Variants in CAMK1D observed in about 807,000 individuals in gnomAD.
CAMK1D encodes calcium/calmodulin-dependent protein kinase type 1D.
Under a neutral mutation model 47.7 loss-of-function variants are expected in CAMK1D, and 9 were observed. The observed-to-expected ratio is 0.19, with a 90% CI of 0.11 to 0.33. The LOEUF is 0.33. Ranked by LOEUF, CAMK1D falls within the 10% of genes least tolerant of loss-of-function variation. The probability of loss-of-function intolerance (pLI) is 1.00; values close to 1 mark genes in which losing one functional copy is unlikely to be tolerated. For synonymous variants in CAMK1D, 184 were observed against 184.9 expected, an observed-to-expected ratio of 0.99 and a Z score of 0.04; for missense variants, 291 against 488.7, an observed-to-expected ratio of 0.60 and a Z score of 3.81.
intron 4 of CAMK1D, among the ~76,000 whole-genome samples, chr10:12,765,958 C>CTTTTT (rs147498267): frequency 1.3e-4 from 11 of 86,486 alleles, no homozygotes; most frequent in African/African-American, 1.9e-4. Flanking sequence ...CCATCCTAAT[C>CTTTTT]TTTTTTTTTT....
chr10:12,680,302 C>T (rs1588777775), intron 3 of CAMK1D, among the ~76,000 whole-genome samples: 3 of 152,292 alleles, frequency 2.0e-5, no homozygotes, highest in Middle Eastern at 6.8e-3. Flanking sequence ...TCTAGGCTTC[C>T]ATTTGCTTCT....
intron 2 of CAMK1D, among the ~76,000 whole-genome samples, chr10:12,576,803 C>T (rs542768267): frequency 3.3e-4 from 50 of 152,312 alleles, no homozygotes; most frequent in African/African-American, 1.1e-3. Flanking sequence ...TCTGGAGACT[C>T]GGCTCTGTAT....
At chr10:12,511,428 C>G (rs1310972393) in intron 1 of CAMK1D, among the ~76,000 whole-genome samples, 1 of 152,076 alleles carries the variant, frequency 6.6e-6, no homozygotes, top group African/African-American at 2.4e-5. Flanking sequence ...CAGAGAGACC[C>G]TGTCTCTACA....
intron 1 of CAMK1D, among the ~76,000 whole-genome samples, chr10:12,443,719 C>T (rs186418146): frequency 6.6e-6 from 1 of 152,126 alleles, no homozygotes; most frequent in Admixed American, 6.5e-5. Flanking sequence ...AGCCTCCGCT[C>T]CCCGGGTTCA....
intron 3 of CAMK1D, among the ~76,000 whole-genome samples, chr10:12,730,882 C>G (rs146092659): frequency 6.6e-6 from 1 of 152,136 alleles, no homozygotes; most frequent in Admixed American, 6.5e-5. Flanking sequence ...TTGTGAAGTG[C>G]TAGGGCCAGA....
rs1836540180 is a variant in CAMK1D at position 12,550,426 on chromosome 10, C to G, written c.93-2799C>G. On this transcript the variant is annotated intron_variant, in intron 1 of 10. Coordinates refer to ENST00000619168, the MANE Select transcript of CAMK1D (RefSeq NM_153498.4). ...CCTCCTCATTCAGGGTCTTGACCCA[C>G]CTAAGAACTCTGAGGTGCAGCCACC... 2.6e-5 allele frequency among the ~76,000 whole-genome samples: 4 copies of G among 152,168 alleles called. No individual in the cohort carries two copies. In the South Asian group the frequency reaches 8.3e-4, roughly 32 times the overall value.
At chr10:12,363,664 G>GA (rs1837749359) in intron 1 of CAMK1D, among the ~76,000 whole-genome samples, 1 of 138,288 alleles carries the variant, frequency 7.2e-6, no homozygotes, top group Non-Finnish European at 1.6e-5. Context: ...TGTTTCCTAA[G>GA]GTTTTTTTTT....
intron 1 of CAMK1D, among the ~76,000 whole-genome samples, chr10:12,494,541 A>C (rs1483727518): frequency 2.6e-5 from 4 of 151,946 alleles, no homozygotes; most frequent in African/African-American, 4.8e-5. Flanking sequence ...TCCATTTCCT[A>C]TTTGCTTTTG....
intron 1 of CAMK1D, among the ~76,000 whole-genome samples, chr10:12,400,739 A>G (rs1286162550): frequency 1.3e-5 from 2 of 151,994 alleles, no homozygotes; most frequent in Non-Finnish European, 2.9e-5. Flanking sequence ...TTACAACTGT[A>G]CCAGAGTGTG....
intron 1 of CAMK1D, among the ~76,000 whole-genome samples, chr10:12,532,390 C>G (rs1342905849): frequency 1.3e-5 from 2 of 151,418 alleles, no homozygotes; most frequent in Non-Finnish European, 3.0e-5. Context: ...CGCCATTCTC[C>G]TGCCTCAGCC....
At chr10:12,718,589 A>G (rs1344235683) in intron 3 of CAMK1D, among the ~76,000 whole-genome samples, 1 of 152,170 alleles carries the variant, frequency 6.6e-6, no homozygotes, top group East Asian at 1.9e-4. Context: ...CTAAACTTGT[A>G]ATGTGAGCAG....
rs1833422356 is a variant in CAMK1D, at chr10:12,831,745, C to A, written c.*2858C>A. On this transcript the variant is annotated 3_prime_UTR_variant, in exon 11 of 11. Coordinates refer to ENST00000619168, the MANE Select transcript of CAMK1D (RefSeq NM_153498.4). ...ATCAGGAAGCCTGTACTGTCCTGAT[C>A]CCACCAGGCTTGGGTTAATTTCCTA... The A allele has an allele frequency of 6.6e-6, 1 of 152,228 alleles. No homozygotes were observed. Among genetic ancestry groups the A allele is most frequent in the South Asian group, 2.1e-4 (1 of 4,828 alleles). The allele number at this position is 152,228 out of a possible 1,614,324, so 9.4% of individuals were successfully genotyped here.
intron 1 of CAMK1D, among the ~76,000 whole-genome samples, chr10:12,498,345 T>C (rs1353226178): frequency 6.6e-6 from 1 of 152,184 alleles, no homozygotes; most frequent in African/African-American, 2.4e-5. Context: ...AAGAGCTCAT[T>C]TGTTCTGTGA....
chr10:12,682,727 G>T (rs1396644475), intron 3 of CAMK1D, among the ~76,000 whole-genome samples: 1 of 152,066 alleles, frequency 6.6e-6, no homozygotes, highest in African/African-American at 2.4e-5. Context: ...AATAATACAT[G>T]TTAAAAAATG....
chr10:12,533,095 C>T (rs1835861478), intron 1 of CAMK1D, among the ~76,000 whole-genome samples: 1 of 152,098 alleles, frequency 6.6e-6, no homozygotes, highest in Non-Finnish European at 1.5e-5. Flanking sequence ...TTGTTTGTAA[C>T]ACAAAGGATA....
In CAMK1D at chr10:12,459,602, C is replaced by T. The variant is rs894122937; in HGVS notation, c.93-93623C>T. ...GTCTGAGAATCCCAGGGCGATAGCT[C>T]CATGGTAGATAATGTAGATATTTGA... On this transcript the variant is annotated intron_variant, in intron 1 of 10. Coordinates refer to ENST00000619168, the MANE Select transcript of CAMK1D (RefSeq NM_153498.4). Among the ~76,000 whole-genome samples, 8 of 152,108 alleles carry T rather than the reference C, an allele frequency of 5.3e-5. No individual in the cohort carries two copies. The East Asian group carries it at 1.3e-3, about 26-fold the overall frequency.
intron 2 of CAMK1D, among the ~76,000 whole-genome samples, chr10:12,571,521 G>A (rs1018823121): frequency 6.6e-6 from 1 of 151,480 alleles, no homozygotes; most frequent in Non-Finnish European, 1.5e-5. Context: ...CAAACCCACT[G>A]AATCAGAATG....
chr10:12,523,128 G>A (rs1449233823), intron 1 of CAMK1D, among the ~76,000 whole-genome samples: 11 of 149,956 alleles, frequency 7.3e-5, no homozygotes, highest in African/African-American at 2.2e-4. Context: ...GGGCAGAGAC[G>A]CTCCTCACCT....
chr10:12,459,890 G>A (rs1167167145), intron 1 of CAMK1D, among the ~76,000 whole-genome samples: 1 of 152,118 alleles, frequency 6.6e-6, no homozygotes, highest in Non-Finnish European at 1.5e-5. Context: ...GCATCTCTAG[G>A]TCTGCAACAG....
Sources: gnomAD v4.1 joint callset for allele counts (sites outside exome capture counted in the v4.1 genomes callset) on GRCh38, gnomAD v4.1.1 for gene constraint, MANE v1.5 for transcripts, NCBI Gene and HGNC (gene_info 2026-07-23, HGNC 2026-07-21) for gene names.